Variants in ST3GAL2 observed in about 807,000 individuals in gnomAD.
ST3GAL2 encodes the protein ST3 beta-galactoside alpha-2,3-sialyltransferase 2, also known as CMP-N-acetylneuraminate-beta-galactosamide-alpha-2,3-sialyltransferase 2.
ST3GAL2 carries 16 observed loss-of-function variants against 37.5 expected under a neutral mutation model. That is an observed-to-expected ratio of 0.43 (90% CI 0.29 to 0.65). The LOEUF is 0.65. Ranked by LOEUF, ST3GAL2 falls within the 30% of genes least tolerant of loss-of-function variation. The probability of loss-of-function intolerance (pLI) is 0.17; values close to 1 mark genes in which losing one functional copy is unlikely to be tolerated. For missense variants in ST3GAL2, 383 were observed against 487.8 expected (o/e 0.79, Z 2.02); for synonymous variants, 238 against 202.9 (o/e 1.17, Z -1.47).
At position 70,439,022 on chromosome 16, in the gene ST3GAL2, T is replaced by TCGCCGCCGC. The variant is rs567688682; in HGVS notation, c.-1086_-1078dup. 7.6e-4 allele frequency: 120 copies of TCGCCGCCGC among 157,448 alleles called. 1 individual carries two copies. Among genetic ancestry groups the TCGCCGCCGC allele is most frequent in the East Asian group, 7.0e-3 (37 of 5,258 alleles). The allele number at this position is 157,448 out of a possible 1,614,324, so 9.8% of individuals were successfully genotyped here. ...CCGCCGCCGCCCGCGCAGAAAGCCG[T>TCGCCGCCGC]CGCCGCCGCCGCCGCCGCCGCCGCC... On this transcript the variant is annotated 5_prime_UTR_variant, in exon 1 of 7. Transcript: ENST00000342907.
intron 1 of ST3GAL2, among the ~76,000 whole-genome samples, chr16:70,406,736 G>A (rs542746679): frequency 1.3e-5 from 2 of 150,674 alleles, no homozygotes; most frequent in South Asian, 2.1e-4. Flanking sequence ...AGCCAAGATC[G>A]TGCCACCGCA....
At chr16:70,419,649 C>G (rs534149827) in intron 1 of ST3GAL2, among the ~76,000 whole-genome samples, 1 of 152,194 alleles carries the variant, frequency 6.6e-6, no homozygotes, top group Admixed American at 6.5e-5. Flanking sequence ...GCAGCAGCCT[C>G]GGGTCTCAGA....
At chr16:70,397,142 G>A (rs1420067451) in intron 2 of ST3GAL2, among the ~76,000 whole-genome samples, 1 of 147,760 alleles carries the variant, frequency 6.8e-6, no homozygotes, top group Non-Finnish European at 1.5e-5. Flanking sequence ...CCAGGTTCAA[G>A]CGATTCTCCT....
At position 70,435,996 on chromosome 16, in the gene ST3GAL2, G is replaced by A. The variant is rs916330859; in HGVS notation, c.-1004+2953C>T. Among the ~76,000 whole-genome samples, 5 of 148,660 alleles carry A rather than the reference G, an allele frequency of 3.4e-5. No homozygotes were observed. The South Asian group carries it at 6.4e-4, about 19-fold the overall frequency. ...CAAAAATCAGCCGGGCATGGTGGCA[G>A]ATACCTATAATCCCAGCTACTTGGG... On this transcript the variant is annotated intron_variant, in intron 1 of 6. Coordinates refer to ENST00000342907, the MANE Select transcript of ST3GAL2 (RefSeq NM_006927.4).
Position 70,376,508 on chromosome 16 carries a change from G to C in ST3GAL2, c.*5181C>G, listed in dbSNP as rs774659633. On this transcript the variant is annotated 3_prime_UTR_variant, in exon 7 of 7. Coordinates refer to ENST00000342907, the MANE Select transcript of ST3GAL2 (RefSeq NM_006927.4). ...CTCAAGCCTCACAGAGGCGGGAGAGGGGGACCTCCTCTTGGATTTTGTGGG... is the reference window on the plus strand; with the variant it reads ...CTCAAGCCTCACAGAGGCGGGAGAGCGGGACCTCCTCTTGGATTTTGTGGG... The C allele has an allele frequency of 6.6e-6, 1 of 152,108 alleles. No individual in the cohort carries two copies. Among genetic ancestry groups the C allele is most frequent in the Non-Finnish European group, 1.5e-5 (1 of 68,032 alleles). 9.4% of individuals were successfully genotyped at this position (152,108 alleles called of 1,614,324 possible).
intron 1 of ST3GAL2, among the ~76,000 whole-genome samples, chr16:70,429,783 A>G (rs528950541): frequency 6.6e-6 from 1 of 151,260 alleles, no homozygotes; most frequent in Non-Finnish European, 1.5e-5. Context: ...CTGGGATTAC[A>G]GGCGCCCTCC....
chr16:70,420,666 G>C (rs1183883592), intron 1 of ST3GAL2, among the ~76,000 whole-genome samples: 2 of 152,230 alleles, frequency 1.3e-5, no homozygotes, highest in Non-Finnish European at 1.5e-5. Context: ...CTTGTTCTTT[G>C]TGAGCCAGGC....
chr16:70,426,296 C>A (rs1041174571), intron 1 of ST3GAL2, among the ~76,000 whole-genome samples: 1 of 146,832 alleles, frequency 6.8e-6, no homozygotes, highest in Admixed American at 7.2e-5. Flanking sequence ...CAGGTTCAAG[C>A]GATTCTCCTG....
chr16:70,419,462 C>G (rs2047699206), intron 1 of ST3GAL2, among the ~76,000 whole-genome samples: 1 of 152,222 alleles, frequency 6.6e-6, no homozygotes, highest in Non-Finnish European at 1.5e-5. Flanking sequence ...GAAAGGAAAG[C>G]TGCAAGACAG....
At chr16:70,418,929 G>C (rs951968566) in intron 1 of ST3GAL2, among the ~76,000 whole-genome samples, 1 of 152,188 alleles carries the variant, frequency 6.6e-6, no homozygotes, top group Non-Finnish European at 1.5e-5. Flanking sequence ...ACAACCCCGA[G>C]CAAGGGCACA....
chr16:70,432,274 T>A (rs994412246), intron 1 of ST3GAL2, among the ~76,000 whole-genome samples: 3 of 152,156 alleles, frequency 2.0e-5, no homozygotes, highest in African/African-American at 7.2e-5. Context: ...CAAACATATT[T>A]GAATTGAGGG....
intron 2 of ST3GAL2, among the ~76,000 whole-genome samples, chr16:70,396,346 G>C (rs2047516317): frequency 6.6e-6 from 1 of 151,632 alleles, no homozygotes; most frequent in Non-Finnish European, 1.5e-5. Flanking sequence ...AACATTATGT[G>C]GATGGAGCCA....
At position 70,381,596 on chromosome 16, in the gene ST3GAL2, C is replaced by T. The variant is rs2047405364; in HGVS notation, c.*93G>A. 2.0e-5 allele frequency: 29 copies of T among 1,478,046 alleles called. No individual in the cohort carries two copies. The highest frequency in any genetic ancestry group is 2.5e-5 in the Non-Finnish European group (28 of 1,100,350). The allele number at this position is 1,478,046 out of a possible 1,614,324, so 91.6% of individuals were successfully genotyped here. On this transcript the variant is annotated 3_prime_UTR_variant, in exon 7 of 7. Coordinates refer to ENST00000342907, the MANE Select transcript of ST3GAL2 (RefSeq NM_006927.4). ...GGGCACAGCAGACGCCCCTGGGCTG[C>T]AGCATGATTGGTCGCGGGTTGCTGG...
At chr16:70,382,953 G>A (rs748295404) in intron 5 of ST3GAL2, 29 bp from the exon 6 acceptor site, 2 of 1,608,632 alleles carry the variant, frequency 1.2e-6, no homozygotes, top group Non-Finnish European at 1.7e-6. Context: ...ACAGGTATAT[G>A]AGGGGTTTAG....
chr16:70,420,107 ACC>A (rs2047704818), intron 1 of ST3GAL2, among the ~76,000 whole-genome samples: 1 of 149,528 alleles, frequency 6.7e-6, no homozygotes, highest in South Asian at 2.1e-4. Context: ...GTTCACTGCA[ACC>A]TCTGTCCCCG....
chr16:70,381,389 T>G lies in ST3GAL2; in HGVS notation c.*300A>C. The G allele has an allele frequency of 5.9e-5, 21 of 357,812 alleles. No individual in the cohort carries two copies. The highest frequency in any genetic ancestry group is 8.3e-5 in the Non-Finnish European group (16 of 192,866). The allele number at this position is 357,812 out of a possible 1,614,324, so 22.2% of individuals were successfully genotyped here. On this transcript the variant is annotated 3_prime_UTR_variant, in exon 7 of 7. Transcript: ENST00000342907. The stretch of plus-strand genomic sequence containing the variant: ...TGAAAGAAAACCCTAACCCAAAGCA[T>G]GAGGGAGTGGGGATTGAGCGGCCGC...
At chr16:70,408,443 C>T (rs1045502934) in intron 1 of ST3GAL2, among the ~76,000 whole-genome samples, 3 of 152,230 alleles carry the variant, frequency 2.0e-5, no homozygotes, top group Middle Eastern at 3.4e-3. Context: ...TTACCGAAAG[C>T]CCCTCCCTCC....
rs576193267 is a variant in ST3GAL2, at chr16:70,422,447, G to A, written c.-1004+16502C>T. ...CATAAACAGACAGGGTGCTCTGGGCGCTGAGCAGGAGAAGCAGACAGGTCA... is the reference window on the plus strand; with the variant it reads ...CATAAACAGACAGGGTGCTCTGGGCACTGAGCAGGAGAAGCAGACAGGTCA... On this transcript the variant is annotated intron_variant, in intron 1 of 6. Transcript: ENST00000342907. Among the ~76,000 whole-genome samples the A allele has an allele frequency of 3.3e-5, 5 of 152,328 alleles. No homozygotes were observed. In the South Asian group the frequency reaches 6.2e-4, roughly 19 times the overall value.
Position 70,399,731 on chromosome 16 carries a change from T to C in ST3GAL2, c.-1003-198A>G, listed in dbSNP as rs2047542549. Reference sequence around the variant, plus strand: ...GGACTCCAGGGCCTGGAGGACTAGATTAGCCCAGAGTCTTCACTTCTTAGC... The same window carrying C: ...GGACTCCAGGGCCTGGAGGACTAGACTAGCCCAGAGTCTTCACTTCTTAGC... On this transcript the variant is annotated intron_variant, in intron 1 of 6. Coordinates refer to ENST00000342907, the MANE Select transcript of ST3GAL2 (RefSeq NM_006927.4). 3 of 322,402 alleles carry C rather than the reference T, an allele frequency of 9.3e-6. No homozygotes were observed. In the Admixed American group the frequency reaches 1.5e-4, roughly 16 times the overall value. 20.0% of individuals were successfully genotyped at this position (322,402 alleles called of 1,614,324 possible). A position where few individuals can be genotyped will look rare whatever the true frequency, so the allele number is the denominator to read the frequency against.
Sources: gnomAD v4.1 joint callset for allele counts (sites outside exome capture counted in the v4.1 genomes callset) on GRCh38, gnomAD v4.1.1 for gene constraint, MANE v1.5 for transcripts, NCBI Gene and HGNC (gene_info 2026-07-23, HGNC 2026-07-21) for gene names.